The following BHMT2 variants were observed in gnomAD, a reference collection of about 807,000 sequenced individuals.
The protein encoded by BHMT2 is S-methylmethionine--homocysteine S-methyltransferase BHMT2.
Under a neutral mutation model 39.0 loss-of-function variants are expected in BHMT2, and 28 were observed. That is an observed-to-expected ratio of 0.72 (90% CI 0.53 to 0.98). The LOEUF is 0.98. BHMT2 is among the 50% of genes least tolerant of loss of function. BHMT2 has a pLI of 0.00. For missense variants in BHMT2, 410 were observed against 455.6 expected (o/e 0.90, Z 0.91); for synonymous variants, 145 against 160.6 (o/e 0.90, Z 0.74).
chr5:79,079,520 T>C, intron 3 of BHMT2, 60 bp downstream of exon 3: 1 of 1,156,920 alleles, frequency 8.6e-7, no homozygotes, highest in Non-Finnish European at 1.3e-6. Flanking sequence ...AACCTCTTCA[T>C]GGGAAGCTAT....
chr5:79,072,196 G>A (rs976614767), intron 1 of BHMT2, among the ~76,000 whole-genome samples: 1 of 152,076 alleles, frequency 6.6e-6, no homozygotes, highest in Non-Finnish European at 1.5e-5. Flanking sequence ...GAACCCTGGA[G>A]GTGGAGGTTG....
rs369194698 is a variant in BHMT2, at chr5:79,082,974, C to T, written c.598+18C>T. On this transcript the variant is annotated intron_variant, in intron 5 of 7. Transcript: ENST00000255192. Reference sequence around the variant, plus strand: ...GAAGGCAGGTAATTTGGACCCATACCGTGATACACAGCTCAGTTGTTGCTT... The same window carrying T: ...GAAGGCAGGTAATTTGGACCCATACTGTGATACACAGCTCAGTTGTTGCTT... 1.4e-5 allele frequency: 22 copies of T among 1,613,658 alleles called. No individual in the cohort carries two copies. In the Admixed American group the frequency reaches 1.5e-4, roughly 11 times the overall value.
intron 1 of BHMT2, among the ~76,000 whole-genome samples, chr5:79,071,862 A>G (rs1269336273): frequency 6.6e-6 from 1 of 151,608 alleles, no homozygotes. Flanking sequence ...AAGGGATCAT[A>G]CTGGTATAGT....
At chr5:79,074,306 G>T (rs1331160342) in intron 1 of BHMT2, among the ~76,000 whole-genome samples, 1 of 152,178 alleles carries the variant, frequency 6.6e-6, no homozygotes, top group Non-Finnish European at 1.5e-5. Flanking sequence ...CATGCCATTC[G>T]ATGGAGATTA....
intron 1 of BHMT2, among the ~76,000 whole-genome samples, chr5:79,071,822 T>TA (rs60114073): frequency 0.12 from 12,228 of 103,362 alleles, 1,155 homozygotes; most frequent in African/African-American, 0.3. Flanking sequence ...AACTTAAAAG[T>TA]AAAAAAAAAA....
At chr5:79,077,062 C>G (rs182056540) in intron 1 of BHMT2, among the ~76,000 whole-genome samples, 306 of 152,322 alleles carry the variant, frequency 2.0e-3, no homozygotes, top group South Asian at 5.8e-3. Context: ...CTGGCCAGCA[C>G]TGTGTCACAG....
chr5:79,080,934 A>G, intron 4 of BHMT2, 56 bp downstream of exon 4: 1 of 1,448,106 alleles, frequency 6.9e-7, no homozygotes, highest in Non-Finnish European at 9.2e-7. Context: ...ATAACTGCAG[A>G]GTCTTCACAT....
At chr5:79,085,276 G>A (rs532746609) in intron 7 of BHMT2, among the ~76,000 whole-genome samples, 3 of 152,010 alleles carry the variant, frequency 2.0e-5, no homozygotes, top group African/African-American at 4.8e-5. Flanking sequence ...GAATTCCTTC[G>A]TTTGTTCCTA....
chr5:79,074,727 C>G (rs1240535028), intron 1 of BHMT2, among the ~76,000 whole-genome samples: 1 of 152,126 alleles, frequency 6.6e-6, no homozygotes, highest in Non-Finnish European at 1.5e-5. Context: ...AATCTGTTCC[C>G]CCTCCTTCCG....
intron 1 of BHMT2, among the ~76,000 whole-genome samples, chr5:79,074,737 G>A (rs1035251009): frequency 5.3e-5 from 8 of 152,282 alleles, no homozygotes; most frequent in African/African-American, 1.4e-4. Context: ...CCCTCCTTCC[G>A]AAGGATTAGC....
intron 1 of BHMT2, among the ~76,000 whole-genome samples, chr5:79,073,862 T>G (rs1755625150): frequency 6.6e-6 from 1 of 152,180 alleles, no homozygotes; most frequent in Non-Finnish European, 1.5e-5. Flanking sequence ...CTTCTTGCAC[T>G]GCAGAGGAAA....
intron 4 of BHMT2, 87 bp downstream of exon 4, chr5:79,080,965 C>T: frequency 8.0e-7 from 1 of 1,248,244 alleles, no homozygotes; most frequent in Non-Finnish European, 1.1e-6. Flanking sequence ...TATTGGACAA[C>T]ATTCTGCCCT....
Position 79,083,681 on chromosome 5 carries a change from G to A in BHMT2, c.835G>A (p.Ala279Thr), listed in dbSNP as rs768615351. 8.1e-6 allele frequency: 13 copies of A among 1,613,978 alleles called. No individual in the cohort carries two copies. In the East Asian group the frequency reaches 2.7e-4, roughly 33 times the overall value. ...RWDIQKYARE[A>T]YNLGVRYIGG... ...GGATATTCAAAAATACGCCAGAGAG[G>A]CCTACAACCTGGGGGTCAGGTACAT... The change falls in exon 7 of 8, where the codon GCC becomes ACC. Residue 279 changes from alanine to threonine, a missense_variant. By Grantham distance (58) the Ala-to-Thr change is moderately conservative. Coordinates refer to ENST00000255192, the MANE Select transcript of BHMT2 (RefSeq NM_017614.5).
Position 79,088,780 on chromosome 5 carries a change from C to A in BHMT2, c.*206C>A. 2.2e-6 allele frequency: 1 copy of A among 459,746 alleles called. No homozygotes were observed. 28.5% of individuals were successfully genotyped at this position (459,746 alleles called of 1,614,324 possible). A position where few individuals can be genotyped will look rare whatever the true frequency, so the allele number is the denominator to read the frequency against. ...TGGTTAAGCACTGCAACAGACTCTA[C>A]CAGAGATGCAAAGAGAAGCGAGAGA... On this transcript the variant is annotated 3_prime_UTR_variant, in exon 8 of 8. Coordinates refer to ENST00000255192, the MANE Select transcript of BHMT2 (RefSeq NM_017614.5).
chr5:79,076,153 G>C (rs909159830), intron 1 of BHMT2, among the ~76,000 whole-genome samples: 13 of 152,182 alleles, frequency 8.5e-5, no homozygotes, highest in Admixed American at 8.5e-4. Flanking sequence ...GAGCCAGAAG[G>C]GGGATGGAGT....
Position 79,083,615 on chromosome 5 carries a change from T to C in BHMT2, c.782-13T>C. The C allele has an allele frequency of 6.2e-7, 1 of 1,613,702 alleles. No individual in the cohort carries two copies. The highest frequency in any genetic ancestry group is 8.5e-7 in the Non-Finnish European group (1 of 1,179,748). On this transcript the variant is annotated splice_polypyrimidine_tract_variant and intron_variant, in intron 6 of 7. Coordinates refer to ENST00000255192, the MANE Select transcript of BHMT2 (RefSeq NM_017614.5). Reference sequence around the variant, plus strand: ...GAACAGTAACAGAAATGCTGTTAACTATTGTGATTCAGGACTGGAGTCCAG... The same window carrying C: ...GAACAGTAACAGAAATGCTGTTAACCATTGTGATTCAGGACTGGAGTCCAG...
chr5:79,082,481 C>T (rs1447589106), intron 4 of BHMT2: 1 of 186,072 alleles, frequency 5.4e-6, no homozygotes, highest in East Asian at 1.5e-4. Context: ...AACTTTTCCT[C>T]CTTCAAAATT....
rs78999459 is a variant in BHMT2 at position 79,076,462 on chromosome 5, C to A, written c.34-1018C>A. 7.0e-3 allele frequency among the ~76,000 whole-genome samples: 1,059 copies of A among 152,212 alleles called. 10 individuals carry two copies. The highest frequency in any genetic ancestry group is 0.024 in the African/African-American group (988 of 41,488). The stretch of plus-strand genomic sequence containing the variant: ...CCTCACCAGGGTCTGTGGGCACAGG[C>A]CTGAGGCCTTTCTGTATCAAAAGGA... On this transcript the variant is annotated intron_variant, in intron 1 of 7. Transcript: ENST00000255192.
chr5:79,085,489 T>C (rs1755875090), intron 7 of BHMT2, among the ~76,000 whole-genome samples: 1 of 152,248 alleles, frequency 6.6e-6, no homozygotes, highest in African/African-American at 2.4e-5. Flanking sequence ...AAGACCAGCC[T>C]GGCCAACATG....
Sources: gnomAD v4.1 joint callset for allele counts (sites outside exome capture counted in the v4.1 genomes callset) on GRCh38, gnomAD v4.1.1 for gene constraint, MANE v1.5 for transcripts, NCBI Gene and HGNC (gene_info 2026-07-23, HGNC 2026-07-21) for gene names.